The following MEF2C variants were observed in gnomAD, a reference collection of about 807,000 sequenced individuals.
The protein encoded by MEF2C is myocyte enhancer factor 2C.
MEF2C carries 6 observed loss-of-function variants against 50.5 expected under a neutral mutation model. The ratio of observed to expected loss-of-function variants is 0.12; its 90% CI spans 0.07 to 0.23. MEF2C has a LOEUF of 0.23. MEF2C is among the 10% of genes least tolerant of loss of function. The probability of loss-of-function intolerance (pLI) is 1.00; values close to 1 mark genes in which losing one functional copy is unlikely to be tolerated. For missense variants in MEF2C, 276 were observed against 605.0 expected (o/e 0.46, Z 5.70); for synonymous variants, 183 against 228.0 (o/e 0.80, Z 1.78).
Position 88,861,006 on chromosome 5 carries a change from C to T in MEF2C, c.-143+21949G>A, listed in dbSNP as rs115548032. Among the ~76,000 whole-genome samples, 946 of 151,790 alleles carry T rather than the reference C, an allele frequency of 6.2e-3. 12 individuals carry two copies. The highest frequency in any genetic ancestry group is 0.021 in the African/African-American group (865 of 41,370). ...CCTGTTACTTCATCTTTAGAAATGC[C>T]GATAATTTAGAAACTGGAATGATGC... is the stretch of plus-strand genomic sequence containing the variant. On this transcript the variant is annotated intron_variant, in intron 1 of 10. Transcript: ENST00000504921.
intron 1 of MEF2C, among the ~76,000 whole-genome samples, chr5:88,895,376 A>T (rs1239355975): frequency 6.6e-6 from 1 of 152,076 alleles, no homozygotes; most frequent in Non-Finnish European, 1.5e-5. Flanking sequence ...TTTTTGGGGT[A>T]TTCTTATTGG....
intron 1 of MEF2C, chr5:88,839,131 C>CGT (rs1037800914): frequency 2.0e-5 from 3 of 152,030 alleles, no homozygotes; most frequent in African/African-American, 4.8e-5. Flanking sequence ...AGGAAGTAAT[C>CGT]GTGTGTGTAT....
chr5:88,740,620 G>C, intron 6 of MEF2C: 1 of 984,240 alleles, frequency 1.0e-6, no homozygotes, highest in Non-Finnish European at 1.2e-6. Context: ...CTGAGATTTA[G>C]CATGCATCCT....
At chr5:88,843,485 CA>C (rs1185780869) in intron 1 of MEF2C, 25 of 984,630 alleles carry the variant, frequency 2.5e-5, no homozygotes, top group Non-Finnish European at 2.9e-5. Flanking sequence ...TTATGTTACA[CA>C]ATTACATTTA....
intron 1 of MEF2C, among the ~76,000 whole-genome samples, chr5:88,830,951 CTCAG>C (rs1257594022): frequency 6.6e-6 from 1 of 152,056 alleles, no homozygotes; most frequent in Non-Finnish European, 1.5e-5. Context: ...CAACATCAAC[CTCAG>C]TCAAACAAAA....
chr5:88,741,203 C>G, intron 6 of MEF2C: 1 of 985,398 alleles, frequency 1.0e-6, no homozygotes, highest in Non-Finnish European at 1.2e-6. Context: ...ATAAATACTA[C>G]TGGAACTGCA....
intron 3 of MEF2C, among the ~76,000 whole-genome samples, chr5:88,793,331 G>T (rs1260930577): frequency 1.3e-5 from 2 of 152,124 alleles, no homozygotes; most frequent in African/African-American, 4.8e-5. Flanking sequence ...ATAGGATGGG[G>T]GTTGTAAGGG....
chr5:88,838,028 G>C (rs923695864), intron 1 of MEF2C, among the ~76,000 whole-genome samples: 10 of 152,004 alleles, frequency 6.6e-5, no homozygotes, highest in African/African-American at 2.2e-4. Context: ...GCTAGTGTTA[G>C]AGCTATAATC....
chr5:88,783,604 TG>T (rs980263537), intron 3 of MEF2C, among the ~76,000 whole-genome samples: 35 of 152,198 alleles, frequency 2.3e-4, no homozygotes, highest in African/African-American at 7.2e-4. Context: ...CACTCCAGCC[TG>T]GGCAACAAGA....
chr5:88,869,296 C>CATATATATATATATATATATAT (rs1561421061), intron 1 of MEF2C, among the ~76,000 whole-genome samples: 8 of 104,852 alleles, frequency 7.6e-5, no homozygotes, highest in Admixed American at 1.1e-4. Context: ...TATATATATA[C>CATATATATATATATATATATAT]ACATATATAT....
intron 6 of MEF2C, chr5:88,737,874 A>G (rs547904166): frequency 1.0e-6 from 1 of 985,342 alleles, no homozygotes; most frequent in East Asian, 1.1e-4. Flanking sequence ...ATACTCTAGA[A>G]AATGAGTGCC....
At chr5:88,893,715 A>G (rs1834832221) in intron 1 of MEF2C, among the ~76,000 whole-genome samples, 1 of 152,150 alleles carries the variant, frequency 6.6e-6, no homozygotes, top group Non-Finnish European at 1.5e-5. Context: ...TTGTGGAACA[A>G]GGAGGCACAT....
intron 5 of MEF2C, chr5:88,751,220 T>A: frequency 4.1e-6 from 4 of 984,040 alleles, no homozygotes; most frequent in Non-Finnish European, 4.8e-6. Context: ...AGAAATAATT[T>A]ATTTTTCTCT....
At chr5:88,823,578 A>G (rs1416642402) in intron 2 of MEF2C, among the ~76,000 whole-genome samples, 157 bp downstream of exon 2, 1 of 151,932 alleles carries the variant, frequency 6.6e-6, no homozygotes, top group Admixed American at 6.6e-5. Flanking sequence ...TCTCCTTTAT[A>G]TATAAGAGAC....
intron 2 of MEF2C, among the ~76,000 whole-genome samples, chr5:88,813,973 C>T (rs1323231990): frequency 6.6e-6 from 1 of 151,958 alleles, no homozygotes. Context: ...CCTAGATAAT[C>T]TCTCAGTTTC....
intron 1 of MEF2C, among the ~76,000 whole-genome samples, chr5:88,863,238 C>T (rs1327610103): frequency 1.3e-5 from 2 of 152,204 alleles, no homozygotes; most frequent in Non-Finnish European, 2.9e-5. Flanking sequence ...TATAATTGCA[C>T]TTTGCATATT....
intron 1 of MEF2C, among the ~76,000 whole-genome samples, chr5:88,830,264 G>A (rs910777925): frequency 6.6e-6 from 1 of 151,966 alleles, no homozygotes; most frequent in African/African-American, 2.4e-5. Context: ...CTACATTAAT[G>A]CTTCTAGTCC....
At chr5:88,843,209 CTTTT>C in intron 1 of MEF2C, 3 of 364,784 alleles carry the variant, frequency 8.2e-6, no homozygotes, top group East Asian at 1.7e-4. Context: ...ATTTTGCTTG[CTTTT>C]TTTTTTTTTT....
At chr5:88,758,500 T>C (rs1429032778) in intron 4 of MEF2C, among the ~76,000 whole-genome samples, 3 of 152,148 alleles carry the variant, frequency 2.0e-5, no homozygotes, top group Admixed American at 2.0e-4. Flanking sequence ...CAATATTAAA[T>C]TTTCTGTTTT....
Sources: gnomAD v4.1 joint callset for allele counts (sites outside exome capture counted in the v4.1 genomes callset) on GRCh38, gnomAD v4.1.1 for gene constraint, MANE v1.5 for transcripts, NCBI Gene and HGNC (gene_info 2026-07-23, HGNC 2026-07-21) for gene names.